Variants in BCAS3 observed in about 807,000 individuals in gnomAD.
The protein encoded by BCAS3 is BCAS3 microtubule associated cell migration factor.
BCAS3 carries 53 observed loss-of-function variants against 116.1 expected under a neutral mutation model. That is an observed-to-expected ratio of 0.46 (90% CI 0.37 to 0.57). The LOEUF is 0.57. Ranked by LOEUF, BCAS3 falls within the 20% of genes least tolerant of loss-of-function variation. The pLI is 0.00. For synonymous variants in BCAS3, 391 were observed against 408.2 expected, an observed-to-expected ratio of 0.96 and a Z score of 0.51; for missense variants, 917 against 1,165.4, an observed-to-expected ratio of 0.79 and a Z score of 3.10.
chr17:60,785,932 T>C (rs1206388662), intron 6 of BCAS3, among the ~76,000 whole-genome samples: 1 of 152,202 alleles, frequency 6.6e-6, no homozygotes, highest in African/African-American at 2.4e-5. Context: ...ACCATTTACA[T>C]AGCATTCACC....
intron 5 of BCAS3, among the ~76,000 whole-genome samples, chr17:60,732,970 C>CATTTTGTT (rs1422574810): frequency 2.0e-5 from 3 of 152,130 alleles, no homozygotes; most frequent in Non-Finnish European, 2.9e-5. Context: ...AGCTAAGGTA[C>CATTTTGTT]ATTATGCTAA....
In BCAS3 at chr17:61,285,873, C is replaced by T. The variant is rs1404267426; in HGVS notation, c.2426-82454C>T. On this transcript the variant is annotated intron_variant, in intron 22 of 23. Transcript: ENST00000407086. The surrounding 1 kb of genome is among the most constrained non-coding windows in gnomAD (Gnocchi z 5.4). ...TACTTTAGGCGAATCAGCTTTAGTC[C>T]TCTAAATTCTAAAGCTCTACCAATT... 6.6e-6 allele frequency among the ~76,000 whole-genome samples: 1 copy of T among 152,144 alleles called. No individual in the cohort carries two copies. The highest frequency in any genetic ancestry group is 2.4e-5 in the African/African-American group (1 of 41,428).
chr17:60,849,802 A>G (rs1362422774), intron 7 of BCAS3, among the ~76,000 whole-genome samples: 1 of 152,060 alleles, frequency 6.6e-6, no homozygotes, highest in Admixed American at 6.5e-5. Context: ...TCACTCTGTC[A>G]CTGGAGTACA....
chr17:60,692,051 T>A (rs1453625749), intron 4 of BCAS3, among the ~76,000 whole-genome samples: 10 of 141,852 alleles, frequency 7.0e-5, no homozygotes, highest in African/African-American at 2.2e-4. Flanking sequence ...AAACTCTGTC[T>A]CAAAAAAAAA....
Position 61,235,421 on chromosome 17 carries a change from C to T in BCAS3, c.2426-132906C>T, listed in dbSNP as rs769807423. ...ATATTTGACAGATGATTGAGCCACT[C>T]GAGTTGCTTATGCATGAATGTGCTT... On this transcript the variant is annotated intron_variant, in intron 22 of 23. Coordinates refer to ENST00000407086, the MANE Select transcript of BCAS3 (RefSeq NM_017679.5). This position sits in a 1 kb window ranked among gnomAD's most constrained non-coding sequence, Gnocchi z 5.0. 1.2e-4 allele frequency among the ~76,000 whole-genome samples: 18 copies of T among 152,148 alleles called. No individual in the cohort carries two copies. Among genetic ancestry groups the T allele is most frequent in the African/African-American group, 1.7e-4 (7 of 41,432 alleles).
rs1399919016 is a variant in BCAS3 at position 60,990,804 on chromosome 17, G to A, written c.1486+569G>A. ...TGGGATTACAGGCATCCGCCACCAC[G>A]CCTGGCTGATTTTCAGTATTTTTAG... On this transcript the variant is annotated intron_variant, in intron 15 of 23. Coordinates refer to ENST00000407086, the MANE Select transcript of BCAS3 (RefSeq NM_017679.5). The surrounding 1 kb of genome is among the most constrained non-coding windows in gnomAD (Gnocchi z 5.1). Among the ~76,000 whole-genome samples, 1 of 151,986 alleles carries A rather than the reference G, an allele frequency of 6.6e-6. No homozygotes were observed. The highest frequency in any genetic ancestry group is 2.4e-5 in the African/African-American group (1 of 41,398).
At chr17:60,933,826 G>A (rs1356265291) in intron 13 of BCAS3, among the ~76,000 whole-genome samples, 5 of 152,134 alleles carry the variant, frequency 3.3e-5, no homozygotes, top group Admixed American at 6.6e-5. Flanking sequence ...ACAATGCAAA[G>A]GCAACTTGAA....
At chr17:61,057,975 CTT>C (rs1437430795) in intron 19 of BCAS3, among the ~76,000 whole-genome samples, 2 of 151,812 alleles carry the variant, frequency 1.3e-5, no homozygotes, top group African/African-American at 4.8e-5. Flanking sequence ...ATTGAAGCCT[CTT>C]TTAGCTGCTG....
intron 16 of BCAS3, chr17:61,027,036 T>G (rs1265265103): frequency 2.6e-6 from 2 of 774,518 alleles, no homozygotes; most frequent in African/African-American, 3.5e-5. Context: ...TACTGAATAA[T>G]TTGTAGATGG....
chr17:60,968,042 C>G lies in BCAS3; in HGVS notation c.1221+20690C>G, dbSNP rs185689139. On this transcript the variant is annotated intron_variant, in intron 14 of 23. Coordinates refer to ENST00000407086, the MANE Select transcript of BCAS3 (RefSeq NM_017679.5). ...ATTCTTGGTCAGAGGGCTCACAGAT[C>G]ACTCTTTCATTAGGGTCTGTCACTG... Among the ~76,000 whole-genome samples, 3 of 152,188 alleles carry G rather than the reference C, an allele frequency of 2.0e-5. No individual in the cohort carries two copies. In the East Asian group the frequency reaches 5.8e-4, roughly 29 times the overall value.
chr17:60,954,047 A>G (rs1162548263), intron 14 of BCAS3, among the ~76,000 whole-genome samples: 1 of 152,080 alleles, frequency 6.6e-6, no homozygotes, highest in African/African-American at 2.4e-5. Flanking sequence ...TATATGATGT[A>G]AGGAAGGGGT....
chr17:60,723,362 C>T (rs533113762), intron 5 of BCAS3, among the ~76,000 whole-genome samples: 4 of 152,144 alleles, frequency 2.6e-5, no homozygotes, highest in African/African-American at 7.2e-5. Context: ...GTAGCTGGGA[C>T]TACAGGCATG....
At position 61,073,646 on chromosome 17, in the gene BCAS3, T is replaced by C. The variant is rs1347171009; in HGVS notation, c.2030-1274T>C. Among the ~76,000 whole-genome samples, 1 of 152,222 alleles carries C rather than the reference T, an allele frequency of 6.6e-6. No individual in the cohort carries two copies. Among genetic ancestry groups the C allele is most frequent in the Non-Finnish European group, 1.5e-5 (1 of 68,038 alleles). On this transcript the variant is annotated intron_variant, in intron 19 of 23. Coordinates refer to ENST00000407086, the MANE Select transcript of BCAS3 (RefSeq NM_017679.5). This position sits in a 1 kb window ranked among gnomAD's most constrained non-coding sequence, Gnocchi z 4.6. ...AAATTTTTGTATGTTGATGTGTATA[T>C]ATAAATGTCTTTTGGTGGTAGAAAT... is the stretch of plus-strand genomic sequence containing the variant.
At chr17:61,291,846 G>A (rs1371602091) in intron 22 of BCAS3, among the ~76,000 whole-genome samples, 9 of 152,138 alleles carry the variant, frequency 5.9e-5, no homozygotes, top group Non-Finnish European at 1.3e-4. Flanking sequence ...CTGTATGCAC[G>A]CCCGTGCTGC....
chr17:60,910,472 A>G (rs372206088), intron 11 of BCAS3, 60 bp from the exon 12 acceptor site: 1 of 1,333,214 alleles, frequency 7.5e-7, no homozygotes, highest in Non-Finnish European at 1.0e-6. Flanking sequence ...TAAAATGCGT[A>G]TTTCTATGTA....
At position 60,742,426 on chromosome 17, in the gene BCAS3, CTTTTTTTTTT is replaced by C. The variant is rs1173664552; in HGVS notation, c.322-4757_322-4748del. Among the ~76,000 whole-genome samples, 22 of 103,468 alleles carry C rather than the reference CTTTTTTTTTT, an allele frequency of 2.1e-4. No individual in the cohort carries two copies. The South Asian group carries it at 7.3e-3, about 34-fold the overall frequency. The allele number at this position is 103,468 out of a possible 152,430, so 67.9% of individuals were successfully genotyped here. ...AATCTTTCACAATTTTCCTTGACAT[CTTTTTTTTTT>C]TTTTTTTTTTTTTTGAGACTGAGTC... On this transcript the variant is annotated intron_variant, in intron 5 of 23. Coordinates refer to ENST00000407086, the MANE Select transcript of BCAS3 (RefSeq NM_017679.5).
chr17:61,312,289 G>C (rs775215586), intron 22 of BCAS3, among the ~76,000 whole-genome samples: 1 of 152,210 alleles, frequency 6.6e-6, no homozygotes, highest in Non-Finnish European at 1.5e-5. Flanking sequence ...GGAGCAAGGA[G>C]TGGGGGAGGG....
At chr17:60,828,507 T>C (rs1210127935) in intron 7 of BCAS3, among the ~76,000 whole-genome samples, 2 of 152,200 alleles carry the variant, frequency 1.3e-5, no homozygotes, top group African/African-American at 2.4e-5. Flanking sequence ...TATTGGGATT[T>C]GAAAAAGGTA....
At position 61,203,182 on chromosome 17, in the gene BCAS3, A is replaced by G. The variant is rs969279520; in HGVS notation, c.2425+118618A>G. Among the ~76,000 whole-genome samples, 1 of 151,976 alleles carries G rather than the reference A, an allele frequency of 6.6e-6. No individual in the cohort carries two copies. The highest frequency in any genetic ancestry group is 1.5e-5 in the Non-Finnish European group (1 of 67,980). On this transcript the variant is annotated intron_variant, in intron 22 of 23. Coordinates refer to ENST00000407086, the MANE Select transcript of BCAS3 (RefSeq NM_017679.5). This position sits in a 1 kb window ranked among gnomAD's most constrained non-coding sequence, Gnocchi z 5.7. ...CTTTTATTCTTCTTTTTTTCGAGAC[A>G]GTTTCACTCTTGTCACTCAGGCTGG...
Sources: allele counts gnomAD v4.1 joint callset (sites outside exome capture counted in the v4.1 genomes callset), GRCh38; gene constraint gnomAD v4.1.1; non-coding constraint Gnocchi (gnomAD v3.1); transcripts MANE v1.5; gene names NCBI Gene and HGNC (gene_info 2026-07-23, HGNC 2026-07-21).